The following IMMP1L variants were observed in gnomAD, a reference collection of about 807,000 sequenced individuals.
The protein encoded by IMMP1L is mitochondrial inner membrane protease subunit 1.
In IMMP1L, 24 loss-of-function variants were observed where a neutral mutation model predicts 21.8. The observed-to-expected ratio is 1.10, with a 90% CI of 0.80 to 1.55. The LOEUF (loss-of-function observed/expected upper bound fraction) is 1.55, where lower values mean the gene tolerates loss of function less well. Among genes scored for constraint, IMMP1L ranks in the 40% most tolerant of loss-of-function variants. IMMP1L has a pLI of 0.00. For synonymous variants in IMMP1L, 46 were observed against 62.8 expected, an observed-to-expected ratio of 0.73 and a Z score of 1.26; for missense variants, 195 against 200.7, an observed-to-expected ratio of 0.97 and a Z score of 0.17.
intron 1 of IMMP1L, among the ~76,000 whole-genome samples, chr11:31,496,837 A>C (rs1161511382): frequency 1.4e-5 from 2 of 147,982 alleles, no homozygotes; most frequent in African/African-American, 2.5e-5. Context: ...ATAATCTATA[A>C]TTTTATATAT....
intron 4 of IMMP1L, among the ~76,000 whole-genome samples, chr11:31,435,352 G>A (rs940132526): frequency 6.6e-6 from 1 of 152,030 alleles, no homozygotes; most frequent in African/African-American, 2.4e-5. Flanking sequence ...CTTGCTTGGG[G>A]CCCTACATTA....
chr11:31,481,955 A>C (rs1954905337), intron 1 of IMMP1L, among the ~76,000 whole-genome samples: 1 of 152,086 alleles, frequency 6.6e-6, no homozygotes. Context: ...TATTGCTTAA[A>C]ATATTAAAAA....
At chr11:31,459,016 G>T (rs888297118) in intron 3 of IMMP1L, among the ~76,000 whole-genome samples, 1 of 152,110 alleles carries the variant, frequency 6.6e-6, no homozygotes, top group African/African-American at 2.4e-5. Flanking sequence ...AGTGGGGCTA[G>T]GTCTCCAGTT....
At chr11:31,444,635 G>A (rs1463003125) in intron 4 of IMMP1L, among the ~76,000 whole-genome samples, 1 of 149,288 alleles carries the variant, frequency 6.7e-6, no homozygotes, top group Non-Finnish European at 1.5e-5. Context: ...TGTTGCCCAG[G>A]CTGGAGTGCC....
In IMMP1L at chr11:31,484,630, C is replaced by G. The variant is rs149593230; in HGVS notation, c.-29-21325G>C. On this transcript the variant is annotated intron_variant, in intron 1 of 5. Transcript: ENST00000532287. ...CACACAAGAATTTCTGTAATAAATT[C>G]CCAAAATTGGTACTGAGATGAGGTA... is the stretch of plus-strand genomic sequence containing the variant. Among the ~76,000 whole-genome samples the G allele has an allele frequency of 8.1e-4, 123 of 151,938 alleles. 1 individual carries two copies. The highest frequency in any genetic ancestry group is 2.9e-3 in the African/African-American group (120 of 41,518).
intron 1 of IMMP1L, among the ~76,000 whole-genome samples, chr11:31,478,749 TTATG>T (rs1954800274): frequency 6.6e-6 from 1 of 152,134 alleles, no homozygotes; most frequent in African/African-American, 2.4e-5. Context: ...GCAAAGTCAA[TTATG>T]TATGACCATT....
chr11:31,468,936 A>C (rs1954454708), intron 1 of IMMP1L, among the ~76,000 whole-genome samples: 1 of 152,120 alleles, frequency 6.6e-6, no homozygotes, highest in African/African-American at 2.4e-5. Flanking sequence ...GTAATGCATA[A>C]GGTTTCCAAT....
rs201716819 is a variant in IMMP1L, at chr11:31,456,476, TAAAC to T, written c.195-94_195-91del. 387 of 1,015,208 alleles carry T rather than the reference TAAAC, an allele frequency of 3.8e-4. 1 individual carries two copies. The East Asian group carries it at 7.2e-3, about 19-fold the overall frequency. 62.9% of individuals were successfully genotyped at this position (1,015,208 alleles called of 1,614,324 possible). Reference sequence around the variant, plus strand: ...GCTTTAATACTTTTATAAGACAACTTAAACAAAGCCATAACCTTTATCCTCTCAT... The same window carrying T: ...GCTTTAATACTTTTATAAGACAACTTAAAGCCATAACCTTTATCCTCTCAT... On this transcript the variant is annotated intron_variant, in intron 3 of 5. Coordinates refer to ENST00000532287, the MANE Select transcript of IMMP1L (RefSeq NM_001304274.2).
intron 1 of IMMP1L, chr11:31,477,486 C>A: frequency 1.1e-6 from 1 of 931,878 alleles, no homozygotes; most frequent in Non-Finnish European, 1.3e-6. Flanking sequence ...AGAGCATATT[C>A]TTTGCCTTGA....
chr11:31,456,091 T>C (rs1014671235), intron 4 of IMMP1L, among the ~76,000 whole-genome samples, 169 bp downstream of exon 4: 5 of 152,224 alleles, frequency 3.3e-5, no homozygotes, highest in African/African-American at 1.2e-4. Context: ...GTAACTAAAA[T>C]ACATGAAATA....
intron 1 of IMMP1L, among the ~76,000 whole-genome samples, chr11:31,472,574 T>C (rs1228018278): frequency 6.6e-6 from 1 of 152,212 alleles, no homozygotes; most frequent in Non-Finnish European, 1.5e-5. Flanking sequence ...ATTCAGAATC[T>C]GTTACTTTTT....
chr11:31,484,789 T>C (rs1227413809), intron 1 of IMMP1L, among the ~76,000 whole-genome samples: 1 of 151,932 alleles, frequency 6.6e-6, no homozygotes, highest in African/African-American at 2.4e-5. Context: ...TCTAAAATAC[T>C]TTGTTTATAA....
At chr11:31,457,280 G>A (rs1953980079) in intron 3 of IMMP1L, among the ~76,000 whole-genome samples, 1 of 152,138 alleles carries the variant, frequency 6.6e-6, no homozygotes, top group African/African-American at 2.4e-5. Flanking sequence ...CAGAAGTCAT[G>A]ATTTATGGAA....
chr11:31,505,495 G>A (rs566400177), intron 1 of IMMP1L, among the ~76,000 whole-genome samples: 15 of 152,294 alleles, frequency 9.8e-5, no homozygotes, highest in Non-Finnish European at 1.9e-4. Flanking sequence ...AAGTCTTCCA[G>A]TTATTCAAGA....
intron 4 of IMMP1L, among the ~76,000 whole-genome samples, chr11:31,443,972 T>C (rs1318988276): frequency 6.6e-6 from 1 of 152,186 alleles, no homozygotes; most frequent in African/African-American, 2.4e-5. Flanking sequence ...ACTTGCTCAT[T>C]CTCGTGGCGA....
chr11:31,497,282 A>G (rs1207133470), intron 1 of IMMP1L, among the ~76,000 whole-genome samples: 2 of 151,968 alleles, frequency 1.3e-5, no homozygotes, highest in Non-Finnish European at 2.9e-5. Flanking sequence ...TGAACTTTGA[A>G]AAACATTATG....
rs113385192 is a variant in IMMP1L at position 31,500,635 on chromosome 11, AAG to A, written c.-30+8882_-30+8883del. ...CAAACACACACACACACACTCCCCA[AAG>A]AGAGGGTGTTGAAAGGACTCGGAAC... is the stretch of plus-strand genomic sequence containing the variant. On this transcript the variant is annotated intron_variant, in intron 1 of 5. Transcript: ENST00000532287. Among the ~76,000 whole-genome samples, 1,410 of 149,134 alleles carry A rather than the reference AAG, an allele frequency of 9.5e-3. 24 individuals are homozygous for A. The highest frequency in any genetic ancestry group is 0.034 in the African/African-American group (1,352 of 40,272).
At chr11:31,438,588 A>G (rs1322458280) in intron 4 of IMMP1L, among the ~76,000 whole-genome samples, 2 of 152,120 alleles carry the variant, frequency 1.3e-5, no homozygotes, top group Non-Finnish European at 2.9e-5. Context: ...ACCTGCCCCC[A>G]GATTATGAAC....
intron 5 of IMMP1L, 102 bp downstream of exon 5, chr11:31,433,358 A>G (rs1952988926): frequency 1.6e-6 from 1 of 635,352 alleles, no homozygotes; most frequent in Admixed American, 3.1e-5. Flanking sequence ...ATTCGGTGCA[A>G]CAGTTAAGTA....
Sources: gnomAD v4.1 joint callset for allele counts (sites outside exome capture counted in the v4.1 genomes callset) on GRCh38, gnomAD v4.1.1 for gene constraint, MANE v1.5 for transcripts, NCBI Gene and HGNC (gene_info 2026-07-23, HGNC 2026-07-21) for gene names.